Variants in ABCC1 observed in about 807,000 individuals in gnomAD.
The protein encoded by ABCC1 is ATP binding cassette subfamily C member 1 (ABCC1 blood group).
A neutral mutation model predicts 172.9 loss-of-function variants in ABCC1; 83 were observed. The observed-to-expected ratio is 0.48, with a 90% CI of 0.40 to 0.58. The LOEUF is 0.58. ABCC1 is among the 20% of genes least tolerant of loss of function. The pLI, the probability that ABCC1 is intolerant of heterozygous loss-of-function variation, is 0.00. For missense variants in ABCC1, 1,817 were observed against 2,002.7 expected (o/e 0.91, Z 1.77); for synonymous variants, 937 against 825.2 (o/e 1.14, Z -2.32).
chr16:15,978,486 C>T (rs1283032714), intron 1 of ABCC1, among the ~76,000 whole-genome samples: 1 of 152,056 alleles, frequency 6.6e-6, no homozygotes, highest in African/African-American at 2.4e-5. Context: ...ATATTTCTTG[C>T]CTTTTATGTG....
intron 7 of ABCC1, among the ~76,000 whole-genome samples, chr16:16,039,689 T>G (rs924485927): frequency 3.9e-5 from 6 of 152,176 alleles, no homozygotes; most frequent in African/African-American, 1.2e-4. Flanking sequence ...TCTGGCATCC[T>G]GAGTGTTACT....
intron 1 of ABCC1, among the ~76,000 whole-genome samples, chr16:15,970,447 A>C (rs972952644): frequency 1.3e-5 from 2 of 152,204 alleles, no homozygotes; most frequent in Non-Finnish European, 2.9e-5. Flanking sequence ...CCAGCTGAAG[A>C]TGTTACTCAG....
intron 23 of ABCC1, among the ~76,000 whole-genome samples, chr16:16,120,022 A>C (rs1298202026): frequency 6.6e-6 from 1 of 152,076 alleles, no homozygotes; most frequent in Non-Finnish European, 1.5e-5. Flanking sequence ...GTTGTGCGGT[A>C]CCTGGGTTCA....
intron 5 of ABCC1, among the ~76,000 whole-genome samples, chr16:16,023,099 G>A (rs925381085): frequency 6.6e-6 from 1 of 151,954 alleles, no homozygotes; most frequent in Non-Finnish European, 1.5e-5. Context: ...TTTTTTGTAG[G>A]CGTGAGGGCT....
In ABCC1 at chr16:16,082,991, G is replaced by A. The variant is rs13339242; in HGVS notation, c.2116-375G>A. On this transcript the variant is annotated intron_variant, in intron 16 of 30. Transcript: ENST00000399410. Reference sequence around the variant, plus strand: ...GTGTCATATATCTTTTTATCTTTGCGTCCACCGTAACTGTAATCAAGTAGT... The same window carrying A: ...GTGTCATATATCTTTTTATCTTTGCATCCACCGTAACTGTAATCAAGTAGT... Among the ~76,000 whole-genome samples the A allele has an allele frequency of 5.4e-3, 823 of 152,250 alleles. 8 individuals carry two copies. The highest frequency in any genetic ancestry group is 0.019 in the African/African-American group (776 of 41,540).
At chr16:16,067,474 A>G (rs1281595115) in intron 12 of ABCC1, among the ~76,000 whole-genome samples, 1 of 152,206 alleles carries the variant, frequency 6.6e-6, no homozygotes, top group Admixed American at 6.5e-5. Context: ...GTTGAGTTTT[A>G]CTGTGCTTGG....
intron 21 of ABCC1, among the ~76,000 whole-genome samples, chr16:16,107,990 C>T (rs1027761967): frequency 6.6e-6 from 1 of 151,924 alleles, no homozygotes; most frequent in East Asian, 1.9e-4. Flanking sequence ...ACTGTCTGTT[C>T]CTGGCTTCTT....
At chr16:16,056,434 A>G (rs913465063) in intron 12 of ABCC1, 139 bp downstream of exon 12, 15 of 930,732 alleles carry the variant, frequency 1.6e-5, no homozygotes, top group Non-Finnish European at 2.2e-5. Context: ...TGGGAGGCCA[A>G]AGCAGGTGGA....
Position 16,052,758 on chromosome 16 carries a change from T to C in ABCC1, c.1415T>C (p.Val472Ala). Residue 472 changes from valine (V) to alanine (A), a missense_variant, in exon 11 of 31, where the codon GTG becomes GCG. Val to Ala is a moderately conservative substitution (Grantham distance 64). This residue lies in a region of ABCC1 where 1,412 missense variants were observed against 1,600.3 expected (regional missense o/e 0.88). Transcript: ENST00000399410. The part of the protein sequence containing the change: ...LGPSVLAGVA[V>A]MVLMVPVNAV... ...CCTTCCGTCCTGGCTGGAGTGGCGG[T>C]GATGGTCCTCATGGTGCCCGTCAAT... 1.2e-6 allele frequency: 2 copies of C among 1,612,504 alleles called. No homozygotes were observed. Among genetic ancestry groups the C allele is most frequent in the Non-Finnish European group, 1.7e-6 (2 of 1,179,728 alleles).
chr16:15,953,464 T>C (rs1475547166), intron 1 of ABCC1, among the ~76,000 whole-genome samples: 1 of 152,202 alleles, frequency 6.6e-6, no homozygotes, highest in Non-Finnish European at 1.5e-5. Flanking sequence ...TGAGGCAGGT[T>C]ACGTCATCTC....
At chr16:16,072,181 ATTTT>A (rs11343915) in intron 14 of ABCC1, among the ~76,000 whole-genome samples, 1 of 144,562 alleles carries the variant, frequency 6.9e-6, no homozygotes. Flanking sequence ...TGTTACTTGG[ATTTT>A]TTTTTTTTTT....
chr16:16,064,307 G>A (rs898699113), intron 12 of ABCC1, among the ~76,000 whole-genome samples: 8 of 152,134 alleles, frequency 5.3e-5, no homozygotes, highest in Non-Finnish European at 8.8e-5. Flanking sequence ...CATTGTGCCC[G>A]TCCTACCAGC....
chr16:16,116,028 G>A (rs776266375), intron 23 of ABCC1, among the ~76,000 whole-genome samples: 6 of 150,970 alleles, frequency 4.0e-5, no homozygotes, highest in Non-Finnish European at 8.9e-5. Flanking sequence ...TCAGCCTCCC[G>A]AGTAGCTGGG....
chr16:16,119,235 G>A (rs2045044360), intron 23 of ABCC1, among the ~76,000 whole-genome samples: 1 of 152,186 alleles, frequency 6.6e-6, no homozygotes, highest in African/African-American at 2.4e-5. Context: ...GGGCCCAGGA[G>A]TTCGAGACCA....
At chr16:16,122,306 G>A in intron 24 of ABCC1, 132 bp downstream of exon 24, 3 of 942,990 alleles carry the variant, frequency 3.2e-6, no homozygotes, top group South Asian at 1.6e-5. Context: ...GGATGGAGAG[G>A]CTTGATGAGC....
chr16:15,981,346 C>T (rs893021135), intron 1 of ABCC1, among the ~76,000 whole-genome samples: 3 of 152,246 alleles, frequency 2.0e-5, no homozygotes, highest in African/African-American at 7.2e-5. Context: ...ACTGCCCTAG[C>T]AGAGGTTCTC....
intron 29 of ABCC1, 21 bp from the exon 30 acceptor site, chr16:16,138,343 G>A: frequency 6.4e-7 from 1 of 1,555,676 alleles, no homozygotes; most frequent in Non-Finnish European, 8.8e-7. Flanking sequence ...ACTATCTCCT[G>A]GTTTTTTTCT....
intron 26 of ABCC1, among the ~76,000 whole-genome samples, chr16:16,131,297 T>G (rs987980171): frequency 2.0e-5 from 3 of 152,226 alleles, no homozygotes; most frequent in African/African-American, 7.2e-5. Context: ...TACTGAGGGA[T>G]GATCATGTCC....
At chr16:15,987,245 C>T (rs766636620) in intron 1 of ABCC1, among the ~76,000 whole-genome samples, 3 of 152,196 alleles carry the variant, frequency 2.0e-5, no homozygotes, top group Non-Finnish European at 2.9e-5. Context: ...TATTGAGCAC[C>T]TACTGTGTGC....
Sources: gnomAD v4.1 joint callset for allele counts (sites outside exome capture counted in the v4.1 genomes callset) on GRCh38, gnomAD v4.1.1 for gene constraint, gnomAD v4.1.1 regional missense constraint, MANE v1.5 for transcripts, NCBI Gene and HGNC (gene_info 2026-07-23, HGNC 2026-07-21) for gene names.